Variants in DACH2 observed in about 807,000 individuals in gnomAD.
The protein encoded by DACH2 is dachshund family transcription factor 2.
In DACH2, 17 loss-of-function variants were observed where a neutral mutation model predicts 35.8. That is an observed-to-expected ratio of 0.48 (90% CI 0.33 to 0.71). The LOEUF is 0.71. DACH2 is among the 30% of genes least tolerant of loss of function. The pLI, the probability that DACH2 is intolerant of heterozygous loss-of-function variation, is 0.02. For missense variants in DACH2, 469 were observed against 472.7 expected (o/e 0.99, Z 0.07); for synonymous variants, 195 against 177.3 (o/e 1.10, Z -0.79).
chrX:86,713,760 G>T lies in DACH2; in HGVS notation c.932-788G>T, dbSNP rs181061246. Among the ~76,000 whole-genome samples, 64 of 111,571 alleles carry T rather than the reference G, an allele frequency of 5.7e-4. No individual in the cohort carries two copies. The East Asian group carries it at 0.015, about 25-fold the overall frequency. ...GCCTATTAAGGGATAAGTAGACAAC[G>T]ATTTTAATGTTACCTTTTACATGAT... On this transcript the variant is annotated intron_variant, in intron 5 of 11. Transcript: ENST00000373125.
At chrX:86,470,886 G>A (rs966224092) in intron 2 of DACH2, among the ~76,000 whole-genome samples, 1 of 111,149 alleles carries the variant, frequency 9.0e-6, no homozygotes, top group East Asian at 2.8e-4. Context: ...CTAAAATAAG[G>A]ATTTGACCTA....
chrX:86,270,601 C>T (rs1450577235), intron 1 of DACH2, among the ~76,000 whole-genome samples: 1 of 112,081 alleles, frequency 8.9e-6, no homozygotes, highest in Admixed American at 9.5e-5. Context: ...GTTAATTCCT[C>T]AATAGTCATT....
chrX:86,772,947 T>C (rs1266220760), intron 7 of DACH2, among the ~76,000 whole-genome samples: 1 of 111,619 alleles, frequency 9.0e-6, no homozygotes, highest in Non-Finnish European at 1.9e-5. Context: ...CCCACAGACA[T>C]GGAGCATTCA....
At chrX:86,793,260 T>A (rs1296399632) in intron 7 of DACH2, among the ~76,000 whole-genome samples, 1 of 110,868 alleles carries the variant, frequency 9.0e-6, no homozygotes, top group African/African-American at 3.3e-5. Context: ...GTTGTTTGAG[T>A]TCCTTGTATA....
chrX:86,746,286 G>A (rs1460352076), intron 7 of DACH2, among the ~76,000 whole-genome samples: 2 of 111,120 alleles, frequency 1.8e-5, no homozygotes, highest in Admixed American at 1.9e-4. Context: ...AAATTGATGT[G>A]TCTTATGGTA....
chrX:86,785,145 A>G (rs908293291), intron 7 of DACH2, among the ~76,000 whole-genome samples: 1 of 111,598 alleles, frequency 9.0e-6, no homozygotes, highest in Non-Finnish European at 1.9e-5. Flanking sequence ...GTTTTCAAAA[A>G]CAAAGAAATA....
chrX:86,614,479 C>T (rs182501767), intron 3 of DACH2, among the ~76,000 whole-genome samples: 1 of 111,888 alleles, frequency 8.9e-6, no homozygotes, highest in East Asian at 2.8e-4. Context: ...CTTCATATCT[C>T]TTGTAATAAA....
chrX:86,729,891 C>T (rs758931822), intron 6 of DACH2, among the ~76,000 whole-genome samples: 3 of 111,632 alleles, frequency 2.7e-5, no homozygotes, highest in African/African-American at 9.8e-5. Flanking sequence ...TCCTGTGCAT[C>T]CTGCAGAACC....
intron 6 of DACH2, among the ~76,000 whole-genome samples, chrX:86,734,068 A>G (rs2041566886): frequency 9.1e-6 from 1 of 110,381 alleles, no homozygotes; most frequent in Admixed American, 9.7e-5. Flanking sequence ...GAAACCATGC[A>G]TTTTTCCCAC....
chrX:86,581,951 G>T (rs1347148202), intron 3 of DACH2, among the ~76,000 whole-genome samples: 1 of 111,457 alleles, frequency 9.0e-6, no homozygotes, highest in Non-Finnish European at 1.9e-5. Context: ...CTCTAAAATT[G>T]ACCATAAAAT....
intron 3 of DACH2, among the ~76,000 whole-genome samples, chrX:86,519,918 A>AT (rs927523518): frequency 4.5e-5 from 5 of 109,953 alleles, no homozygotes; most frequent in East Asian, 2.9e-4. Flanking sequence ...TTCAGCTCTG[A>AT]TTTTTTTTAT....
chrX:86,268,949 A>G (rs763129774), intron 1 of DACH2, among the ~76,000 whole-genome samples: 192 of 111,560 alleles, frequency 1.7e-3, no homozygotes, highest in African/African-American at 5.6e-3. Context: ...TGGAGTATCC[A>G]TCCCCTCAAG....
intron 1 of DACH2, among the ~76,000 whole-genome samples, chrX:86,303,923 G>C (rs1172602450): frequency 2.7e-5 from 3 of 111,216 alleles, no homozygotes; most frequent in African/African-American, 9.8e-5. Flanking sequence ...ACTCAGAATA[G>C]TCAAAACAAT....
intron 3 of DACH2, among the ~76,000 whole-genome samples, chrX:86,605,637 T>C (rs1030782376): frequency 4.2e-4 from 47 of 111,569 alleles, no homozygotes; most frequent in African/African-American, 1.5e-3. Context: ...AAAAATTTTT[T>C]CAGCCCTTTT....
At chrX:86,514,075 G>A (rs67813758) in intron 2 of DACH2, among the ~76,000 whole-genome samples, 15,418 of 111,003 alleles carry the variant, frequency 0.14, 922 homozygotes, top group East Asian at 0.24. Context: ...CCCTTATGGC[G>A]CTAATGTTTG....
intron 4 of DACH2, among the ~76,000 whole-genome samples, chrX:86,688,150 C>A (rs2040969951): frequency 8.9e-6 from 1 of 112,084 alleles, no homozygotes; most frequent in Non-Finnish European, 1.9e-5. Context: ...TTCTTAGAAC[C>A]CTTTGAAGGT....
intron 1 of DACH2, among the ~76,000 whole-genome samples, chrX:86,155,516 A>G (rs1296862249): frequency 9.0e-6 from 1 of 111,189 alleles, no homozygotes; most frequent in Non-Finnish European, 1.9e-5. Context: ...ATTAAATATC[A>G]TAACTACCGT....
chrX:86,341,415 T>C (rs1195226006), intron 1 of DACH2, among the ~76,000 whole-genome samples: 1 of 111,756 alleles, frequency 8.9e-6, no homozygotes, highest in African/African-American at 3.3e-5. Context: ...TAATAAATAT[T>C]TTAAGCCCAC....
intron 3 of DACH2, among the ~76,000 whole-genome samples, chrX:86,563,476 T>G (rs2148325696): frequency 9.0e-6 from 1 of 110,945 alleles, no homozygotes; most frequent in African/African-American, 3.3e-5. Flanking sequence ...ATATTGAAAA[T>G]AATTTGAAAT....
Sources: allele counts gnomAD v4.1 joint callset (sites outside exome capture counted in the v4.1 genomes callset), GRCh38; gene constraint gnomAD v4.1.1; transcripts MANE v1.5; gene names NCBI Gene and HGNC (gene_info 2026-07-23, HGNC 2026-07-21).